PDS5A: variants seen among roughly 807,000 people sequenced by gnomAD.
The protein encoded by PDS5A is PDS5 cohesin associated factor A.
In PDS5A, 42 loss-of-function variants were observed where a neutral mutation model predicts 167.1. The ratio of observed to expected loss-of-function variants is 0.25; its 90% CI spans 0.20 to 0.33. The LOEUF (loss-of-function observed/expected upper bound fraction) is 0.33. PDS5A is among the 10% of genes least tolerant of loss of function. The pLI is 1.00. For synonymous variants in PDS5A, 553 were observed against 554.6 expected (o/e 1.00, Z 0.04); for missense variants, 1,033 against 1,605.9 (o/e 0.64, Z 6.10).
chr4:39,866,012 T>G (rs912927181), intron 23 of PDS5A, among the ~76,000 whole-genome samples: 2 of 152,210 alleles, frequency 1.3e-5, no homozygotes, highest in Non-Finnish European at 2.9e-5. Flanking sequence ...TGTGTAACAA[T>G]GTAAACAATC....
chr4:39,963,052 C>T (rs1380785947), intron 2 of PDS5A, among the ~76,000 whole-genome samples: 6 of 151,788 alleles, frequency 4.0e-5, no homozygotes, highest in Non-Finnish European at 8.8e-5. Flanking sequence ...GACCTGGTGG[C>T]TCACGCCTGT....
intron 26 of PDS5A, among the ~76,000 whole-genome samples, chr4:39,860,744 A>C (rs1244798077): frequency 6.6e-6 from 1 of 152,132 alleles, no homozygotes; most frequent in Admixed American, 6.5e-5. Flanking sequence ...CCCAGAGACA[A>C]ATATCGCATG....
In PDS5A at chr4:39,908,372, G is replaced by T. The variant is rs116626652; in HGVS notation, c.1233+23C>A. ...GCAATTTAAACAGTAAATTACAGAA[G>T]AATAAAATGCCTCAGATTTTACCCG... On this transcript the variant is annotated intron_variant, in intron 11 of 32. Transcript: ENST00000303538. 1,409 of 1,591,466 alleles carry T rather than the reference G, an allele frequency of 8.9e-4. 6 individuals carry two copies. The highest frequency in any genetic ancestry group is 1.4e-3 in the South Asian group (123 of 90,246).
intron 25 of PDS5A, 38 bp downstream of exon 25, chr4:39,862,830 CA>C (rs1365808442): frequency 3.3e-5 from 44 of 1,330,442 alleles, no homozygotes; most frequent in Non-Finnish European, 4.1e-5. Flanking sequence ...GATACATTGA[CA>C]AAATATATTT....
At chr4:39,867,757 CACACACACACACACA>C (rs1560439871) in intron 22 of PDS5A, among the ~76,000 whole-genome samples, 12 of 149,854 alleles carry the variant, frequency 8.0e-5, no homozygotes, top group South Asian at 2.1e-4. Flanking sequence ...CACACACACA[CACACACACACACACA>C]CACCCCACAA....
intron 2 of PDS5A, among the ~76,000 whole-genome samples, chr4:39,944,261 T>C (rs1727530598): frequency 1.3e-5 from 2 of 152,070 alleles, no homozygotes. Context: ...CTCCATTTAT[T>C]TCCGCCTTCA....
chr4:39,845,838 C>A lies in PDS5A; in HGVS notation c.3382G>T (p.Val1128Leu). The change falls in exon 29 of 33, where the codon GTA becomes TTA. Residue 1128 changes from valine (V) to leucine (L), a missense_variant. By Grantham distance (32) the Val-to-Leu change is conservative (BLOSUM62 1). Transcript: ENST00000303538. ...DKSYISEETR[V>L]LLLTGKPKPA... The stretch of plus-strand genomic sequence containing the variant: ...AATACCTTTCCTGTTAACAGAAGTA[C>A]TCTTGTCTCTTCTGAAATATAACTC... 1 of 1,397,090 alleles carries A rather than the reference C, an allele frequency of 7.2e-7. No homozygotes were observed. Among genetic ancestry groups the A allele is most frequent in the Non-Finnish European group, 9.4e-7 (1 of 1,067,952 alleles). 86.5% of individuals were successfully genotyped at this position (1,397,090 alleles called of 1,614,324 possible).
intron 2 of PDS5A, among the ~76,000 whole-genome samples, chr4:39,975,391 G>T (rs1730993329): frequency 6.6e-6 from 1 of 152,004 alleles, no homozygotes; most frequent in African/African-American, 2.4e-5. Context: ...ACATTTACTG[G>T]GCTCCAAGAG....
intron 28 of PDS5A, chr4:39,847,782 T>C (rs1043308717): frequency 1.3e-5 from 2 of 152,196 alleles, no homozygotes; most frequent in Non-Finnish European, 2.9e-5. Flanking sequence ...GCTCCATTTA[T>C]TTCTTGGAAT....
intron 18 of PDS5A, among the ~76,000 whole-genome samples, chr4:39,878,454 A>G (rs1720658782): frequency 6.6e-6 from 1 of 151,968 alleles, no homozygotes; most frequent in Non-Finnish European, 1.5e-5. Context: ...AAAATTAGCC[A>G]GGCATGGTGG....
At chr4:39,884,982 G>A (rs1177100270) in intron 17 of PDS5A, among the ~76,000 whole-genome samples, 1 of 152,058 alleles carries the variant, frequency 6.6e-6, no homozygotes, top group East Asian at 1.9e-4. Context: ...AAAATTCTAG[G>A]CCAGGTGCAG....
chr4:39,906,354 T>C (rs1343206827), intron 11 of PDS5A, among the ~76,000 whole-genome samples: 2 of 151,022 alleles, frequency 1.3e-5, no homozygotes, highest in Non-Finnish European at 3.0e-5. Flanking sequence ...GGCAACAAAG[T>C]GAGACCCTGT....
At chr4:39,944,703 A>AC (rs1319980753) in intron 2 of PDS5A, among the ~76,000 whole-genome samples, 1 of 151,744 alleles carries the variant, frequency 6.6e-6, no homozygotes, top group African/African-American at 2.4e-5. Flanking sequence ...TCAAAAAAAA[A>AC]AAAAAAAACA....
At chr4:39,887,182 C>T (rs2109610628) in intron 17 of PDS5A, among the ~76,000 whole-genome samples, 1 of 152,240 alleles carries the variant, frequency 6.6e-6, no homozygotes, top group African/African-American at 2.4e-5. Context: ...GCTTCCATAT[C>T]TTATTCCAGG....
At chr4:39,891,061 GCT>G (rs1213065663) in intron 16 of PDS5A, among the ~76,000 whole-genome samples, 1 of 150,684 alleles carries the variant, frequency 6.6e-6, no homozygotes, top group Non-Finnish European at 1.5e-5. Context: ...CTGGAGTCTC[GCT>G]CTGTCAGTCA....
In PDS5A at chr4:39,849,527, G is replaced by T; in HGVS notation, c.3212C>A (p.Thr1071Lys). The change falls in exon 27 of 33, where the codon ACA becomes AAA. Residue 1071 changes from threonine to lysine, a missense_variant. Transcript: ENST00000303538. The part of the protein sequence containing the change: ...RDAQSPDESK[T>K]NEKLYTVCDV... ...GCCTAACACTCATCTTACTTCATTT[G>T]TCTTGGATTCATCTGGAGACTGGGC... The T allele has an allele frequency of 6.3e-7, 1 of 1,577,880 alleles. No homozygotes were observed. The highest frequency in any genetic ancestry group is 8.6e-7 in the Non-Finnish European group (1 of 1,158,528).
chr4:39,895,450 G>A (rs939334162), intron 16 of PDS5A, among the ~76,000 whole-genome samples: 2 of 151,998 alleles, frequency 1.3e-5, no homozygotes, highest in Admixed American at 1.3e-4. Context: ...TAATAAAAAT[G>A]CCATATAAAA....
chr4:39,976,755 T>C (rs1731128839), intron 1 of PDS5A, 138 bp from the exon 2 acceptor site: 2 of 481,604 alleles, frequency 4.2e-6, no homozygotes, highest in Non-Finnish European at 3.7e-6. Flanking sequence ...CCACCCGCTC[T>C]TTCCCAGGGA....
chr4:39,849,034 C>T, intron 27 of PDS5A, 64 bp from the exon 28 acceptor site: 1 of 1,102,628 alleles, frequency 9.1e-7, no homozygotes, highest in South Asian at 1.5e-5. Flanking sequence ...TTACCAATTC[C>T]ACTAAATGTA....
Sources: gnomAD v4.1 joint callset for allele counts (sites outside exome capture counted in the v4.1 genomes callset) on GRCh38, gnomAD v4.1.1 for gene constraint, MANE v1.5 for transcripts, NCBI Gene and HGNC (gene_info 2026-07-23, HGNC 2026-07-21) for gene names.